The following CACNA1C variants were observed in gnomAD, a reference collection of about 807,000 sequenced individuals.
CACNA1C encodes voltage-dependent L-type calcium channel subunit alpha-1C.
CACNA1C carries 30 observed loss-of-function variants against 229.0 expected under a neutral mutation model. That is an observed-to-expected ratio of 0.13 (90% CI 0.10 to 0.18). CACNA1C has a LOEUF of 0.18. CACNA1C is among the 10% of genes least tolerant of loss of function. CACNA1C has a pLI of 1.00. For synonymous variants in CACNA1C, 1,114 were observed against 1,132.5 expected (o/e 0.98, Z 0.33); for missense variants, 1,658 against 2,845.0 (o/e 0.58, Z 9.49).
chr12:2,075,009 C>A lies in CACNA1C; in HGVS notation c.49+21398C>A, dbSNP rs77421012. On this transcript the variant is annotated intron_variant, in intron 1 of 46. Transcript: ENST00000399655. ...GCTGTGGAGGGAGCTCCAGTGGAGA[C>A]GTCCAAGGGATGTAGGGCCATTTAC... Among the ~76,000 whole-genome samples the A allele has an allele frequency of 5.6e-4, 86 of 152,308 alleles. 2 individuals are homozygous for A. In the East Asian group the frequency reaches 0.016, roughly 28 times the overall value.
intron 1 of CACNA1C, among the ~76,000 whole-genome samples, chr12:2,074,035 A>G (rs952797660): frequency 6.6e-6 from 1 of 152,202 alleles, no homozygotes. Context: ...AATTCTGGCC[A>G]TTCCTCATAG....
chr12:2,521,406 C>T (rs996587996), intron 9 of CACNA1C, among the ~76,000 whole-genome samples: 2 of 152,146 alleles, frequency 1.3e-5, no homozygotes, highest in African/African-American at 4.8e-5. Context: ...AGCCAGCCAC[C>T]CTGCAGGGGC....
intron 5 of CACNA1C, among the ~76,000 whole-genome samples, chr12:2,459,594 G>A (rs2099485532): frequency 1.3e-5 from 2 of 152,160 alleles, no homozygotes; most frequent in African/African-American, 2.4e-5. Context: ...GGGTACTTAG[G>A]TATAGAAACT....
In CACNA1C at chr12:1,976,843, G is replaced by A. The variant is rs139664946; in HGVS notation, c.139+5642G>A. On this transcript the variant is annotated intron_variant, in intron 1 of 46. Coordinates refer to the CACNA1C transcript ENST00000682462. ...GTCAAGCAAATATATTTGAGGAAAG[G>A]GGGAGAGGGAGGGAGGGAGGGGGAG... 2.0e-3 allele frequency among the ~76,000 whole-genome samples: 298 copies of A among 151,566 alleles called. 3 individuals are homozygous for A. In the East Asian group the frequency reaches 0.043, roughly 22 times the overall value.
At chr12:2,478,233 C>T (rs891004314) in intron 5 of CACNA1C, among the ~76,000 whole-genome samples, 4 of 152,180 alleles carry the variant, frequency 2.6e-5, no homozygotes. Context: ...GTCCTTTGGG[C>T]ATAATTCTTA....
At chr12:2,406,465 C>A (rs2098738443) in intron 3 of CACNA1C, among the ~76,000 whole-genome samples, 1 of 152,162 alleles carries the variant, frequency 6.6e-6, no homozygotes, top group African/African-American at 2.4e-5. Flanking sequence ...CTCTCCATTC[C>A]TTATATTAGG....
rs901419825 is a variant in CACNA1C, at chr12:2,689,133, G to A, written c.6117+354G>A. On this transcript the variant is annotated intron_variant, in intron 46 of 46. Transcript: ENST00000399655. This position sits in a 1 kb window ranked among gnomAD's most constrained non-coding sequence, Gnocchi z 4.2. ...GCCTGACTGCCCGTGAGCATCACCT[G>A]GGGAGCTTTGGAAACCCGGGACAGA... Among the ~76,000 whole-genome samples, 2 of 152,150 alleles carry A rather than the reference G, an allele frequency of 1.3e-5. No individual in the cohort carries two copies. Among genetic ancestry groups the A allele is most frequent in the African/African-American group, 2.4e-5 (1 of 41,434 alleles).
rs1027897791 is a variant in CACNA1C, at chr12:2,363,549, G to A, written c.478-85427G>A. ...TTGAATCCTTCCCCAGTTTGCTGGG[G>A]TTCCCAGTGGGGGAGTGCTTCCACA... On this transcript the variant is annotated intron_variant, in intron 3 of 46. Transcript: ENST00000399655. Among the ~76,000 whole-genome samples, 6 of 152,184 alleles carry A rather than the reference G, an allele frequency of 3.9e-5. No homozygotes were observed. The East Asian group carries it at 5.8e-4, about 15-fold the overall frequency.
chr12:2,323,620 CAAAA>C (rs2096132050), intron 3 of CACNA1C, among the ~76,000 whole-genome samples: 2 of 152,186 alleles, frequency 1.3e-5, no homozygotes, highest in African/African-American at 2.4e-5. Context: ...CTGCGACCCT[CAAAA>C]AACCAGACCT....
intron 9 of CACNA1C, among the ~76,000 whole-genome samples, chr12:2,530,699 G>A (rs1373797826): frequency 6.6e-6 from 1 of 152,190 alleles, no homozygotes; most frequent in Non-Finnish European, 1.5e-5. Context: ...TTTTCCAGCG[G>A]TGCTTCAGTT....
chr12:2,583,131 C>G (rs1385653240), intron 15 of CACNA1C, among the ~76,000 whole-genome samples, 189 bp downstream of exon 15: 1 of 152,218 alleles, frequency 6.6e-6, no homozygotes, highest in Non-Finnish European at 1.5e-5. Flanking sequence ...GGTTCACCTT[C>G]CTGAACCCTC....
At chr12:2,540,242 G>C (rs1248546366) in intron 9 of CACNA1C, among the ~76,000 whole-genome samples, 1 of 152,170 alleles carries the variant, frequency 6.6e-6, no homozygotes, top group Non-Finnish European at 1.5e-5. Flanking sequence ...ACTCTCAACT[G>C]TCCGGCACCT....
intron 45 of CACNA1C, 99 bp downstream of exon 45, chr12:2,686,368 G>A (rs1603463130): frequency 2.1e-6 from 2 of 936,648 alleles, no homozygotes; most frequent in South Asian, 2.6e-5. Flanking sequence ...GGTCTTGCCT[G>A]TCTCAGATGG....
rs1257816877 is a variant in CACNA1C at position 2,609,718 on chromosome 12, G to A, written c.3559-823G>A. ...GATCTGGAAGCCTGGGCAAAGTACA[G>A]AGAAATGGACTGGCTCTTTGCCAGA... On this transcript the variant is annotated intron_variant, in intron 27 of 46. Coordinates refer to ENST00000399655, the MANE Select transcript of CACNA1C (RefSeq NM_000719.7). 2.0e-5 allele frequency among the ~76,000 whole-genome samples: 3 copies of A among 151,968 alleles called. No individual in the cohort carries two copies. In the East Asian group the frequency reaches 5.8e-4, roughly 29 times the overall value.
At chr12:2,212,897 G>A (rs1005998775) in intron 3 of CACNA1C, among the ~76,000 whole-genome samples, 1 of 152,182 alleles carries the variant, frequency 6.6e-6, no homozygotes, top group African/African-American at 2.4e-5. Context: ...AGCCAAACTG[G>A]AAGATCCTGA....
At chr12:2,620,440 TC>T (rs2082673474) in intron 29 of CACNA1C, among the ~76,000 whole-genome samples, 1 of 152,176 alleles carries the variant, frequency 6.6e-6, no homozygotes, top group Non-Finnish European at 1.5e-5. Context: ...TTAGCTGTCT[TC>T]CTTCTAAGAT....
At chr12:2,523,538 A>G (rs1344990556) in intron 9 of CACNA1C, among the ~76,000 whole-genome samples, 1 of 152,066 alleles carries the variant, frequency 6.6e-6, no homozygotes, top group Non-Finnish European at 1.5e-5. Context: ...CAGCGTCATC[A>G]CTTCTGAGTC....
intron 1 of CACNA1C, among the ~76,000 whole-genome samples, chr12:2,063,029 G>A (rs991858296): frequency 5.9e-5 from 9 of 151,904 alleles, no homozygotes; most frequent in South Asian, 2.1e-4. Flanking sequence ...TTCATCACCC[G>A]CAAAAAATAC....
At chr12:2,388,953 G>A (rs1246781393) in intron 3 of CACNA1C, among the ~76,000 whole-genome samples, 1 of 152,226 alleles carries the variant, frequency 6.6e-6, no homozygotes, top group East Asian at 1.9e-4. Context: ...GAGAAATGTA[G>A]ATTGGGGTCA....
Sources: allele counts gnomAD v4.1 joint callset (sites outside exome capture counted in the v4.1 genomes callset), GRCh38; gene constraint gnomAD v4.1.1; non-coding constraint Gnocchi (gnomAD v3.1); transcripts MANE v1.5; gene names NCBI Gene and HGNC (gene_info 2026-07-23, HGNC 2026-07-21).